APELA: variants seen among roughly 807,000 people sequenced by gnomAD.
APELA encodes the protein protein Elabela.
chr4:164,885,237 T>C (rs1296592640), intron 2 of APELA, among the ~76,000 whole-genome samples: 1 of 152,074 alleles, frequency 6.6e-6, no homozygotes, highest in African/African-American at 2.4e-5. Context: ...CTCAAGCAAT[T>C]CTCCTGCCTC....
In APELA at chr4:164,895,818, T is replaced by A. The variant is rs1189843968; in HGVS notation, c.*404T>A. ...TCATATTCCTATAATTCTCCAAAAGTATTAAATTCGTATATGTTTGAGTGA... is the reference window on the plus strand; with the variant it reads ...TCATATTCCTATAATTCTCCAAAAGAATTAAATTCGTATATGTTTGAGTGA... On this transcript the variant is annotated 3_prime_UTR_variant, in exon 3 of 3. Transcript: ENST00000507152. 1.3e-5 allele frequency: 2 copies of A among 152,202 alleles called. No homozygotes were observed. The highest frequency in any genetic ancestry group is 2.9e-5 in the Non-Finnish European group (2 of 68,036). 9.4% of individuals were successfully genotyped at this position (152,202 alleles called of 1,614,324 possible).
At chr4:164,890,476 T>G (rs1730858441) in intron 2 of APELA, among the ~76,000 whole-genome samples, 1 of 152,222 alleles carries the variant, frequency 6.6e-6, no homozygotes, top group East Asian at 1.9e-4. Context: ...ATTCTAGATA[T>G]TCCATATAAA....
chr4:164,888,438 G>C (rs1367936967), intron 2 of APELA, among the ~76,000 whole-genome samples: 1 of 152,192 alleles, frequency 6.6e-6, no homozygotes, highest in Non-Finnish European at 1.5e-5. Flanking sequence ...GGGAGTATAT[G>C]TGGTTTTCTT....
intron 2 of APELA, among the ~76,000 whole-genome samples, chr4:164,894,411 T>TTATTTTTC (rs1730934397): frequency 7.7e-6 from 1 of 129,600 alleles, no homozygotes; most frequent in Admixed American, 7.3e-5. Flanking sequence ...CTTTTCTTCT[T>TTATTTTTC]TATTTTTTTA....
intron 2 of APELA, among the ~76,000 whole-genome samples, chr4:164,884,512 ACAATATATACCTTTC>A (rs943838987): frequency 2.4e-4 from 37 of 152,302 alleles, no homozygotes; most frequent in African/African-American, 8.9e-4. Flanking sequence ...ACAACACCTT[ACAATATATACCTTTC>A]CAGTTTCATC....
At chr4:164,893,240 G>T (rs1730914566) in intron 2 of APELA, among the ~76,000 whole-genome samples, 2 of 151,972 alleles carry the variant, frequency 1.3e-5, no homozygotes, top group Non-Finnish European at 1.5e-5. Context: ...ATGTTTATAG[G>T]TATAAATTTC....
intron 2 of APELA, among the ~76,000 whole-genome samples, chr4:164,890,261 C>T (rs1730854235): frequency 6.6e-6 from 1 of 152,088 alleles, no homozygotes; most frequent in African/African-American, 2.4e-5. Context: ...CATTTATACA[C>T]CCGACAATTC....
chr4:164,878,034 G>A (rs1730586722), intron 1 of APELA, among the ~76,000 whole-genome samples: 1 of 151,390 alleles, frequency 6.6e-6, no homozygotes, highest in African/African-American at 2.4e-5. Context: ...ATGATATCAA[G>A]TATATTGTAC....
rs886413207 is a variant in APELA, at chr4:164,895,895, G to A, written c.*481G>A. On this transcript the variant is annotated 3_prime_UTR_variant, in exon 3 of 3. Coordinates refer to ENST00000507152, the MANE Select transcript of APELA (RefSeq NM_001297550.2). Reference sequence around the variant, plus strand: ...TCAATTGCATTGACCATTTGGCTTCGCACAATAGGGAGAAAATAATTGGTT... The same window carrying A: ...TCAATTGCATTGACCATTTGGCTTCACACAATAGGGAGAAAATAATTGGTT... 16 of 152,190 alleles carry A rather than the reference G, an allele frequency of 1.1e-4. No individual in the cohort carries two copies. The highest frequency in any genetic ancestry group is 3.4e-4 in the African/African-American group (14 of 41,532). 9.4% of individuals were successfully genotyped at this position (152,190 alleles called of 1,614,324 possible). A position where few individuals can be genotyped will look rare whatever the true frequency, so the allele number is the denominator to read the frequency against.
intron 2 of APELA, among the ~76,000 whole-genome samples, chr4:164,889,399 T>C (rs1182072367): frequency 6.6e-6 from 1 of 152,198 alleles, no homozygotes; most frequent in East Asian, 1.9e-4. Flanking sequence ...CTGCTTTGTC[T>C]TTTACTTAGC....
intron 2 of APELA, among the ~76,000 whole-genome samples, chr4:164,890,924 G>T (rs149609415): frequency 2.0e-5 from 3 of 152,196 alleles, no homozygotes; most frequent in East Asian, 3.9e-4. Context: ...TGTCCTAGAG[G>T]GTGTGAAGTG....
chr4:164,887,745 G>A (rs573513017), intron 2 of APELA, among the ~76,000 whole-genome samples: 31 of 152,012 alleles, frequency 2.0e-4, no homozygotes, highest in Middle Eastern at 6.8e-3. Flanking sequence ...CTGAGTAGCT[G>A]GGATTACAAG....
At position 164,892,145 on chromosome 4, in the gene APELA, T is replaced by G. The variant is rs74709513; in HGVS notation, c.*2-3271T>G. Among the ~76,000 whole-genome samples the G allele has an allele frequency of 2.0e-3, 311 of 152,134 alleles. 1 individual carries two copies. Among genetic ancestry groups the G allele is most frequent in the African/African-American group, 7.4e-3 (308 of 41,520 alleles). On this transcript the variant is annotated intron_variant, in intron 2 of 2. Transcript: ENST00000507152. ...GGGCAATATAGCAAAACCCCATCTCTGCAAAAATTACAAATAATTAGCCAA... is the reference window on the plus strand; with the variant it reads ...GGGCAATATAGCAAAACCCCATCTCGGCAAAAATTACAAATAATTAGCCAA...
At chr4:164,883,512 G>A (rs188140382) in intron 2 of APELA, among the ~76,000 whole-genome samples, 2 of 133,934 alleles carry the variant, frequency 1.5e-5, no homozygotes, top group East Asian at 2.1e-4. Flanking sequence ...TTTTGAGACA[G>A]GATCTCATTC....
At chr4:164,887,081 G>A (rs1221179017) in intron 2 of APELA, among the ~76,000 whole-genome samples, 1 of 152,150 alleles carries the variant, frequency 6.6e-6, no homozygotes, top group Non-Finnish European at 1.5e-5. Context: ...TCCCACCTCA[G>A]CCTCATAAAG....
intron 2 of APELA, among the ~76,000 whole-genome samples, chr4:164,881,239 C>T (rs1036719779): frequency 3.3e-5 from 5 of 152,204 alleles, no homozygotes; most frequent in Admixed American, 2.0e-4. Flanking sequence ...ACCCCTTTCA[C>T]TTCTTCCCCT....
chr4:164,886,927 G>A (rs911808215), intron 2 of APELA, among the ~76,000 whole-genome samples: 5 of 151,920 alleles, frequency 3.3e-5, no homozygotes, highest in African/African-American at 1.2e-4. Flanking sequence ...CCAGGTTCAA[G>A]CAGTTCTCCT....
chr4:164,878,922 A>G lies in APELA; in HGVS notation c.79A>G (p.Asn27Asp). The G allele has an allele frequency of 2.5e-6, 1 of 398,966 alleles. No homozygotes were observed. Among genetic ancestry groups the G allele is most frequent in the Non-Finnish European group, 4.4e-6 (1 of 226,018 alleles). 24.7% of individuals were successfully genotyped at this position (398,966 alleles called of 1,614,324 possible). The change falls in exon 2 of 3, where the codon AAT (asparagine) becomes GAT (aspartate). Residue 27 changes from asparagine to aspartate, a missense_variant and splice_region_variant. Coordinates refer to ENST00000507152, the MANE Select transcript of APELA (RefSeq NM_001297550.2). Reference sequence around the variant, plus strand: ...ATACTTCTCTCTTTTTCCTTCAGTTAATTTGACCATGAGAAGAAAACTGCG... The same window carrying G: ...ATACTTCTCTCTTTTTCCTTCAGTTGATTTGACCATGAGAAGAAAACTGCG... The part of the protein sequence containing the change: ...LLLISGQRPV[N>D]LTMRRKLRKH...
At chr4:164,878,510 T>G (rs921753346) in intron 1 of APELA, among the ~76,000 whole-genome samples, 1 of 152,222 alleles carries the variant, frequency 6.6e-6, no homozygotes, top group African/African-American at 2.4e-5. Flanking sequence ...TTCTCATTGT[T>G]TACAGCAGTC....
Sources: allele counts gnomAD v4.1 joint callset (sites outside exome capture counted in the v4.1 genomes callset), GRCh38; gene constraint gnomAD v4.1.1; transcripts MANE v1.5; gene names NCBI Gene and HGNC (gene_info 2026-07-23, HGNC 2026-07-21).